Variants in AGBL1 observed in about 807,000 individuals in gnomAD.
AGBL1 encodes the protein cytosolic carboxypeptidase 4.
In AGBL1, 130 loss-of-function variants were observed where a neutral mutation model predicts 118.9. The ratio of observed to expected loss-of-function variants is 1.09; its 90% CI spans 0.95 to 1.26. The LOEUF (loss-of-function observed/expected upper bound fraction) is 1.26, where lower values mean the gene tolerates loss of function less well. AGBL1 is among the 50% of genes most tolerant of loss of function. The probability of loss-of-function intolerance (pLI) is 0.00; values close to 1 mark genes in which losing one functional copy is unlikely to be tolerated. For missense variants in AGBL1, 1,584 were observed against 1,298.1 expected (o/e 1.22, Z -3.38); for synonymous variants, 555 against 478.9 (o/e 1.16, Z -2.08).
At chr15:86,756,373 A>G (rs1359374472) in intron 22 of AGBL1, among the ~76,000 whole-genome samples, 1 of 151,880 alleles carries the variant, frequency 6.6e-6, no homozygotes, top group Non-Finnish European at 1.5e-5. Context: ...TTTCTAAAGG[A>G]ACTACCATGT....
At chr15:86,168,588 G>T (rs964925868) in intron 5 of AGBL1, among the ~76,000 whole-genome samples, 2 of 152,060 alleles carry the variant, frequency 1.3e-5, no homozygotes, top group South Asian at 2.1e-4. Context: ...GGGAATGCTT[G>T]GTAAAAGTGA....
At chr15:86,154,335 C>A in intron 3 of AGBL1, 95 bp from the exon 4 acceptor site, 3 of 1,378,352 alleles carry the variant, frequency 2.2e-6, no homozygotes, top group East Asian at 5.1e-5. Context: ...TGATTATCCT[C>A]CTCCTTCACC....
intron 19 of AGBL1, among the ~76,000 whole-genome samples, chr15:86,535,489 G>C (rs1344271561): frequency 6.6e-6 from 1 of 152,220 alleles, no homozygotes; most frequent in Non-Finnish European, 1.5e-5. Context: ...AGTAATTGGG[G>C]CTTCAGAAAT....
At chr15:86,491,841 C>A (rs1204804535) in intron 18 of AGBL1, among the ~76,000 whole-genome samples, 1 of 149,142 alleles carries the variant, frequency 6.7e-6, no homozygotes, top group East Asian at 2.0e-4. Flanking sequence ...TAAGCCCTAG[C>A]TAAGTTCTGG....
upstream of AGBL1, chr15:86,079,648 G>C (rs535259659): frequency 4.4e-6 from 1 of 225,264 alleles, no homozygotes; most frequent in South Asian, 1.8e-4. Flanking sequence ...GCCATCCAGG[G>C]TGGCTTCTCC....
Position 86,472,564 on chromosome 15 carries a change from A to T in AGBL1, c.2556-50246A>T, listed in dbSNP as rs567456436. On this transcript the variant is annotated intron_variant, in intron 18 of 22. Coordinates refer to ENST00000614907, the MANE Select transcript of AGBL1 (RefSeq NM_001386094.1). The stretch of plus-strand genomic sequence containing the variant: ...TGTTTGTTAAATGTTCTTTAATCTG[A>T]CTATAAATATTGCAACTGGAGAACA... Among the ~76,000 whole-genome samples, 10 of 152,348 alleles carry T rather than the reference A, an allele frequency of 6.6e-5. No individual in the cohort carries two copies. The East Asian group carries it at 1.9e-3, about 29-fold the overall frequency.
At chr15:86,181,481 G>A (rs2077552254) in intron 5 of AGBL1, among the ~76,000 whole-genome samples, 1 of 151,986 alleles carries the variant, frequency 6.6e-6, no homozygotes, top group East Asian at 1.9e-4. Flanking sequence ...GGTGAGAAAA[G>A]GAAGATGAAT....
At chr15:86,439,412 G>T (rs1210337039) in intron 18 of AGBL1, among the ~76,000 whole-genome samples, 1 of 152,048 alleles carries the variant, frequency 6.6e-6, no homozygotes, top group Non-Finnish European at 1.5e-5. Flanking sequence ...GCATTCTTAT[G>T]GCTCAGTATT....
intron 17 of AGBL1, among the ~76,000 whole-genome samples, chr15:86,390,010 A>T (rs1008327731): frequency 2.0e-5 from 3 of 152,166 alleles, no homozygotes; most frequent in Non-Finnish European, 2.9e-5. Context: ...ATATACAACC[A>T]TATGGTGCTT....
chr15:86,636,856 A>G (rs1316733991), intron 21 of AGBL1, among the ~76,000 whole-genome samples: 1 of 149,664 alleles, frequency 6.7e-6, no homozygotes, highest in African/African-American at 2.5e-5. Context: ...GCACAATTCA[A>G]TTGTTTCATC....
At chr15:86,101,422 G>C (rs1167238413) in intron 1 of AGBL1, among the ~76,000 whole-genome samples, 2 of 151,116 alleles carry the variant, frequency 1.3e-5, no homozygotes, top group Non-Finnish European at 3.0e-5. Context: ...TTTTGTTGTT[G>C]TTAATTTTCT....
chr15:86,792,890 C>G (rs1015484388), intron 22 of AGBL1, among the ~76,000 whole-genome samples: 1 of 152,072 alleles, frequency 6.6e-6, no homozygotes, highest in African/African-American at 2.4e-5. Flanking sequence ...ATATTATCAA[C>G]AAAAATATAG....
chr15:86,685,106 C>T (rs1395930934), intron 22 of AGBL1, among the ~76,000 whole-genome samples: 1 of 152,118 alleles, frequency 6.6e-6, no homozygotes, highest in African/African-American at 2.4e-5. Context: ...CAACATCTAG[C>T]ATCCAAAGTA....
At chr15:86,812,940 T>C (rs528216042) in intron 22 of AGBL1, among the ~76,000 whole-genome samples, 68 of 152,098 alleles carry the variant, frequency 4.5e-4, no homozygotes, top group African/African-American at 1.6e-3. Flanking sequence ...TTTTTTTTTT[T>C]CACTGGAAGG....
At chr15:86,717,042 G>A (rs2086649103) in intron 22 of AGBL1, among the ~76,000 whole-genome samples, 1 of 152,182 alleles carries the variant, frequency 6.6e-6, no homozygotes, top group Non-Finnish European at 1.5e-5. Flanking sequence ...AAGTGCTTCA[G>A]GCAATTGCCT....
intron 22 of AGBL1, among the ~76,000 whole-genome samples, chr15:86,836,636 T>A: frequency 6.6e-6 from 1 of 152,086 alleles, no homozygotes; most frequent in East Asian, 1.9e-4. Flanking sequence ...AATTCAAAAT[T>A]TTTATCCTGG....
chr15:86,644,944 C>A (rs774385975), intron 21 of AGBL1, among the ~76,000 whole-genome samples: 31 of 151,570 alleles, frequency 2.0e-4, no homozygotes, highest in Non-Finnish European at 2.9e-4. Context: ...TTGCTTAAAC[C>A]GAGGAGGCGG....
intron 17 of AGBL1, among the ~76,000 whole-genome samples, chr15:86,382,726 C>G (rs187786814): frequency 8.0e-4 from 122 of 152,116 alleles, no homozygotes; most frequent in African/African-American, 2.8e-3. Context: ...CTTCCTCCCT[C>G]CTTCCATTTC....
intron 23 of AGBL1, among the ~76,000 whole-genome samples, chr15:86,959,600 A>G (rs558730577): frequency 3.9e-5 from 6 of 152,208 alleles, no homozygotes; most frequent in African/African-American, 1.4e-4. Flanking sequence ...GGAGAGATGA[A>G]TTAAAATTTA....
Sources: allele counts gnomAD v4.1 joint callset (sites outside exome capture counted in the v4.1 genomes callset), GRCh38; gene constraint gnomAD v4.1.1; transcripts MANE v1.5; gene names NCBI Gene and HGNC (gene_info 2026-07-23, HGNC 2026-07-21).